PRKAG2: variants seen among roughly 807,000 people sequenced by gnomAD.
The protein encoded by PRKAG2 is 5'-AMP-activated protein kinase subunit gamma-2.
A neutral mutation model predicts 69.6 loss-of-function variants in PRKAG2; 26 were observed. The ratio of observed to expected loss-of-function variants is 0.37; its 90% CI spans 0.27 to 0.52. The LOEUF (loss-of-function observed/expected upper bound fraction) is 0.52. PRKAG2 is among the 20% of genes least tolerant of loss of function. The pLI is 0.90. For missense variants in PRKAG2, 557 were observed against 740.0 expected, an observed-to-expected ratio of 0.75 and a Z score of 2.87; for synonymous variants, 293 against 285.0, an observed-to-expected ratio of 1.03 and a Z score of -0.28.
intron 3 of PRKAG2, chr7:151,736,151 G>A (rs550111940): frequency 1.1e-4 from 159 of 1,450,628 alleles, no homozygotes; most frequent in African/African-American, 1.7e-4. Flanking sequence ...GTGACAGCCC[G>A]GGTTCAAGCG....
intron 1 of PRKAG2, chr7:151,810,149 CTAG>C (rs1388764381): frequency 3.3e-5 from 5 of 152,202 alleles, no homozygotes; most frequent in Non-Finnish European, 7.3e-5. Flanking sequence ...CAAGTGGACC[CTAG>C]TAGACCTTCC....
At chr7:151,775,115 G>A (rs373886128) in intron 3 of PRKAG2, among the ~76,000 whole-genome samples, 7 of 152,246 alleles carry the variant, frequency 4.6e-5, no homozygotes, top group Admixed American at 2.0e-4. Flanking sequence ...CACGTGTGAT[G>A]AGGGCATCCT....
intron 4 of PRKAG2, chr7:151,675,050 T>C (rs1466089303): frequency 8.6e-6 from 3 of 350,104 alleles, no homozygotes; most frequent in African/African-American, 6.4e-5. Flanking sequence ...GCCTCCCGAG[T>C]AGTTGGGATA....
chr7:151,697,786 A>T (rs1836943975), intron 3 of PRKAG2, among the ~76,000 whole-genome samples: 1 of 152,044 alleles, frequency 6.6e-6, no homozygotes. Context: ...TGCCACAGAA[A>T]TCGAGCCTCT....
intron 3 of PRKAG2, among the ~76,000 whole-genome samples, chr7:151,709,774 G>C (rs1839264747): frequency 6.6e-6 from 1 of 152,200 alleles, no homozygotes; most frequent in Non-Finnish European, 1.5e-5. Flanking sequence ...TTCTTACACT[G>C]TGACACGGAG....
chr7:151,728,822 G>A (rs557646509), intron 3 of PRKAG2, among the ~76,000 whole-genome samples: 32 of 152,220 alleles, frequency 2.1e-4, no homozygotes, highest in Admixed American at 1.8e-3. Context: ...CCCCACCAGC[G>A]CCCAGCCCCG....
At chr7:151,692,473 G>A (rs967009821) in intron 3 of PRKAG2, among the ~76,000 whole-genome samples, 17 of 152,138 alleles carry the variant, frequency 1.1e-4, no homozygotes, top group African/African-American at 2.7e-4. Context: ...AAAGGGATGC[G>A]GAAATTTCTT....
rs1165755700 is a variant in PRKAG2, at chr7:151,703,899, CACACACACACAA to C, written c.467-28274_467-28263del. ...ACACACACACACACACACACACACA[CACACACACACAA>C]ATTAGCTAGGCATGGTGGCAGGTGC... On this transcript the variant is annotated intron_variant, in intron 3 of 15. Coordinates refer to ENST00000287878, the MANE Select transcript of PRKAG2 (RefSeq NM_016203.4). Among the ~76,000 whole-genome samples, 392 of 136,090 alleles carry C rather than the reference CACACACACACAA, an allele frequency of 2.9e-3. 2 individuals carry two copies. Among genetic ancestry groups the C allele is most frequent in the African/African-American group, 0.011 (378 of 34,592 alleles). The allele number at this position is 136,090 out of a possible 152,430, so 89.3% of individuals were successfully genotyped here.
In PRKAG2 at chr7:151,632,455, C is replaced by A; in HGVS notation, c.685-317G>T. 1 of 649,344 alleles carries A rather than the reference C, an allele frequency of 1.5e-6. No individual in the cohort carries two copies. The highest frequency in any genetic ancestry group is 1.9e-6 in the Non-Finnish European group (1 of 523,656). The allele number at this position is 649,344 out of a possible 1,614,324, so 40.2% of individuals were successfully genotyped here. ...GGGAAGGGACCCGGGAGCTCGAGGG[C>A]GGCAGCGCCTGGGCCCGGGGCGCCC... On this transcript the variant is annotated intron_variant, in intron 4 of 15. Transcript: ENST00000287878. The surrounding 1 kb of genome is among the most constrained non-coding windows in gnomAD (Gnocchi z 4.2).
In PRKAG2 at chr7:151,777,260, C is replaced by T. The variant is rs534848578; in HGVS notation, c.466+3892G>A. Among the ~76,000 whole-genome samples the T allele has an allele frequency of 1.8e-4, 28 of 152,352 alleles. No homozygotes were observed. The highest frequency in any genetic ancestry group is 1.6e-4 in the Non-Finnish European group (11 of 68,026). ...AGCAGAGTCATCCCCAGGCCTGTGC[C>T]TGCGTTCCCTCACTGTGAGCACAGT... On this transcript the variant is annotated intron_variant, in intron 3 of 15. Coordinates refer to ENST00000287878, the MANE Select transcript of PRKAG2 (RefSeq NM_016203.4). The surrounding 1 kb of genome is among the most constrained non-coding windows in gnomAD (Gnocchi z 4.3).
chr7:151,729,753 C>T (rs1027263043), intron 3 of PRKAG2, among the ~76,000 whole-genome samples: 4 of 152,064 alleles, frequency 2.6e-5, no homozygotes, highest in African/African-American at 7.2e-5. Flanking sequence ...TAGAACACAC[C>T]GCAGGCTCCC....
Position 151,814,455 on chromosome 7 carries a change from C to T in PRKAG2, c.115-27914G>A. ...TCCTGGAGGTCTTCTCTTCCAGATG[C>T]TAATAAGCAGTGCAGGCTTGTAAGC... On this transcript the variant is annotated intron_variant, in intron 1 of 15. Coordinates refer to ENST00000287878, the MANE Select transcript of PRKAG2 (RefSeq NM_016203.4). This position sits in a 1 kb window ranked among gnomAD's most constrained non-coding sequence, Gnocchi z 4.8. 8.1e-7 allele frequency: 1 copy of T among 1,230,238 alleles called. No homozygotes were observed. The allele number at this position is 1,230,238 out of a possible 1,614,324, so 76.2% of individuals were successfully genotyped here.
chr7:151,830,382 G>A (rs963245824), intron 1 of PRKAG2, among the ~76,000 whole-genome samples: 10 of 152,040 alleles, frequency 6.6e-5, no homozygotes, highest in African/African-American at 4.8e-5. Flanking sequence ...TCTCCAGGGC[G>A]CCCTGAGATG....
chr7:151,846,252 G>A (rs1018759435), intron 1 of PRKAG2, among the ~76,000 whole-genome samples: 1 of 152,144 alleles, frequency 6.6e-6, no homozygotes, highest in Non-Finnish European at 1.5e-5. Context: ...CAGATCACTT[G>A]AGGTCAGGAG....
intron 4 of PRKAG2, among the ~76,000 whole-genome samples, chr7:151,666,693 G>A (rs1046378066): frequency 6.6e-6 from 1 of 152,186 alleles, no homozygotes; most frequent in Non-Finnish European, 1.5e-5. Flanking sequence ...TGGCTGGCAA[G>A]CTAGTGATGG....
At chr7:151,560,766 A>G (rs1804761885) in intron 14 of PRKAG2, 149 bp from the exon 15 acceptor site, 11 of 1,111,130 alleles carry the variant, frequency 9.9e-6, no homozygotes, top group Non-Finnish European at 1.4e-5. Context: ...CTACAAAAAC[A>G]TTAGACAGTG....
chr7:151,684,890 T>C (rs1216293070), intron 3 of PRKAG2, among the ~76,000 whole-genome samples: 1 of 152,090 alleles, frequency 6.6e-6, no homozygotes, highest in Non-Finnish European at 1.5e-5. Flanking sequence ...AGTCCCTGGT[T>C]TCTCATCACC....
chr7:151,736,867 C>T (rs2073455110), intron 3 of PRKAG2, among the ~76,000 whole-genome samples: 1 of 152,164 alleles, frequency 6.6e-6, no homozygotes, highest in Non-Finnish European at 1.5e-5. Flanking sequence ...GTCCAACTCC[C>T]TTCTATGACA....
intron 1 of PRKAG2, among the ~76,000 whole-genome samples, chr7:151,849,032 T>C (rs1431958204): frequency 1.3e-5 from 2 of 152,294 alleles, no homozygotes; most frequent in African/African-American, 4.8e-5. Flanking sequence ...CCACGGTTCC[T>C]CTCCCAATGG....
Sources: allele counts gnomAD v4.1 joint callset (sites outside exome capture counted in the v4.1 genomes callset), GRCh38; gene constraint gnomAD v4.1.1; non-coding constraint Gnocchi (gnomAD v3.1); transcripts MANE v1.5; gene names NCBI Gene and HGNC (gene_info 2026-07-23, HGNC 2026-07-21).